The following PRUNE2 variants were observed in gnomAD, a reference collection of about 807,000 sequenced individuals.
PRUNE2 encodes protein prune homolog 2.
Under a neutral mutation model 252.0 loss-of-function variants are expected in PRUNE2, and 164 were observed. The observed-to-expected ratio is 0.65, with a 90% CI of 0.57 to 0.74. PRUNE2 has a LOEUF of 0.74. Ranked by LOEUF, PRUNE2 falls within the 30% of genes least tolerant of loss-of-function variation. The pLI is 0.00. For synonymous variants in PRUNE2, 1,292 were observed against 1,350.2 expected, an observed-to-expected ratio of 0.96 and a Z score of 0.94; for missense variants, 3,495 against 3,711.0, an observed-to-expected ratio of 0.94 and a Z score of 1.51.
At position 76,772,559 on chromosome 9, in the gene PRUNE2, A is replaced by G. The variant is rs545665245; in HGVS notation, c.756+51073T>C. 2.6e-5 allele frequency among the ~76,000 whole-genome samples: 4 copies of G among 152,172 alleles called. No homozygotes were observed. In the South Asian group the frequency reaches 8.3e-4, roughly 32 times the overall value. On this transcript the variant is annotated intron_variant, in intron 6 of 18. Coordinates refer to ENST00000376718, the MANE Select transcript of PRUNE2 (RefSeq NM_015225.3). ...GTTAACTGCAACTTGTGAACATGGT[A>G]AATTATTTTCTTTCTTTTTTTTAGA...
chr9:76,638,769 T>A (rs1374829835), intron 12 of PRUNE2, among the ~76,000 whole-genome samples: 1 of 152,182 alleles, frequency 6.6e-6, no homozygotes, highest in Non-Finnish European at 1.5e-5. Flanking sequence ...AAGGGAGAAT[T>A]TAGCCACTGA....
At chr9:76,637,584 C>A in intron 13 of PRUNE2, 35 bp from the exon 14 acceptor site, 1 of 1,592,114 alleles carries the variant, frequency 6.3e-7, no homozygotes, top group Non-Finnish European at 8.6e-7. Context: ...GTTTTCAGTT[C>A]CCACATCCTA....
chr9:76,871,924 C>T (rs2061223304), intron 1 of PRUNE2, among the ~76,000 whole-genome samples: 1 of 142,248 alleles, frequency 7.0e-6, no homozygotes, highest in Non-Finnish European at 1.5e-5. Flanking sequence ...CTACCACGTC[C>T]AGCCTAGTTA....
chr9:76,826,472 A>G lies in PRUNE2; in HGVS notation c.661+108T>C, dbSNP rs763455220. The G allele has an allele frequency of 9.2e-4, 804 of 875,334 alleles. 4 individuals are homozygous for G. Among genetic ancestry groups the G allele is most frequent in the Non-Finnish European group, 1.3e-3 (746 of 578,154 alleles). 54.2% of individuals were successfully genotyped at this position (875,334 alleles called of 1,614,324 possible). ...TGGGGGATAGAGTGAGACTCTGTAT[A>G]AAAAACAAACAAAGAAACAAATATA... On this transcript the variant is annotated intron_variant, in intron 5 of 18. Coordinates refer to ENST00000376718, the MANE Select transcript of PRUNE2 (RefSeq NM_015225.3).
intron 6 of PRUNE2, among the ~76,000 whole-genome samples, chr9:76,744,692 C>A (rs1307772279): frequency 1.3e-5 from 2 of 152,200 alleles, no homozygotes; most frequent in Non-Finnish European, 2.9e-5. Flanking sequence ...CCCTATCCGA[C>A]TCCTACCCCT....
rs144644720 is a variant in PRUNE2, at chr9:76,769,116, C to A, written c.756+54516G>T. Among the ~76,000 whole-genome samples, 684 of 152,258 alleles carry A rather than the reference C, an allele frequency of 4.5e-3. 5 individuals carry two copies. The highest frequency in any genetic ancestry group is 0.016 in the African/African-American group (661 of 41,544). ...TTTGAGAGATATTCTTAGAATCTTT[C>A]ATTATGGTACTCATATATGGGTTGG... On this transcript the variant is annotated intron_variant, in intron 6 of 18. Coordinates refer to ENST00000376718, the MANE Select transcript of PRUNE2 (RefSeq NM_015225.3).
intron 6 of PRUNE2, among the ~76,000 whole-genome samples, chr9:76,801,979 A>G (rs1218019099): frequency 2.0e-5 from 3 of 152,180 alleles, no homozygotes; most frequent in Non-Finnish European, 4.4e-5. Flanking sequence ...CAACAAAACT[A>G]AAATATATTA....
At chr9:76,699,766 T>C (rs1227090477) in intron 9 of PRUNE2, among the ~76,000 whole-genome samples, 2 of 152,258 alleles carry the variant, frequency 1.3e-5, no homozygotes, top group African/African-American at 4.8e-5. Flanking sequence ...TCTGTTTTTC[T>C]GAAAAACCCT....
chr9:76,710,090 A>T lies in PRUNE2; in HGVS notation c.2184T>A (p.Asn728Lys). 1 of 1,613,874 alleles carries T rather than the reference A, an allele frequency of 6.2e-7. No individual in the cohort carries two copies. Among genetic ancestry groups the T allele is most frequent in the Non-Finnish European group, 8.5e-7 (1 of 1,179,870 alleles). ...SEFGQPELGSNDIQDKNEESL... is the reference protein window; with the variant it reads ...SEFGQPELGSKDIQDKNEESL... The stretch of plus-strand genomic sequence containing the variant: ...TTTCCTCATTTTTGTCTTGAATATC[A>T]TTGCTACCCAGTTCAGGCTGACCAA... The change falls in exon 8 of 19, where the codon AAT becomes AAA. Residue 728 changes from asparagine (N) to lysine (K), a missense_variant. Coordinates refer to ENST00000376718, the MANE Select transcript of PRUNE2 (RefSeq NM_015225.3).
At chr9:76,634,587 A>G (rs1326733247) in intron 15 of PRUNE2, among the ~76,000 whole-genome samples, 1 of 152,174 alleles carries the variant, frequency 6.6e-6, no homozygotes, top group East Asian at 1.9e-4. Flanking sequence ...ATAACTGCTG[A>G]GCTGTACCCA....
At chr9:76,724,156 G>A (rs1029220741) in intron 6 of PRUNE2, among the ~76,000 whole-genome samples, 3 of 148,896 alleles carry the variant, frequency 2.0e-5, no homozygotes, top group African/African-American at 7.4e-5. Context: ...GAAAGCACAG[G>A]TTAAGAACTC....
chr9:76,746,774 T>C (rs1281474859), intron 6 of PRUNE2, among the ~76,000 whole-genome samples: 1 of 143,470 alleles, frequency 7.0e-6, no homozygotes, highest in Non-Finnish European at 1.5e-5. Context: ...AGCTTCGGGA[T>C]AGCCGAACAC....
intron 6 of PRUNE2, among the ~76,000 whole-genome samples, chr9:76,780,829 C>T (rs375234574): frequency 6.6e-6 from 1 of 152,208 alleles, no homozygotes; most frequent in Non-Finnish European, 1.5e-5. Context: ...GCTCCTCCAT[C>T]GTATCGGGAG....
At chr9:76,616,331 G>A (rs67354870) in intron 18 of PRUNE2, among the ~76,000 whole-genome samples, 16,460 of 152,030 alleles carry the variant, frequency 0.11, 1,052 homozygotes, top group Admixed American at 0.17. Flanking sequence ...TCCTGTTCCC[G>A]GAAATCTGTA....
intron 1 of PRUNE2, among the ~76,000 whole-genome samples, chr9:76,879,231 AACAG>A (rs1222178714): frequency 1.3e-5 from 2 of 152,262 alleles, no homozygotes; most frequent in African/African-American, 2.4e-5. Context: ...AGAGAAAGAA[AACAG>A]ACAGAAAGAG....
chr9:76,714,697 G>C (rs2047002306), intron 6 of PRUNE2, among the ~76,000 whole-genome samples: 2 of 152,182 alleles, frequency 1.3e-5, no homozygotes, highest in African/African-American at 4.8e-5. Flanking sequence ...ACCCGGTCCG[G>C]TCTTTGAGTT....
intron 1 of PRUNE2, among the ~76,000 whole-genome samples, chr9:76,883,187 T>C (rs1313664787): frequency 7.9e-5 from 12 of 152,174 alleles, no homozygotes; most frequent in Admixed American, 7.9e-4. Flanking sequence ...CAAAATTGTT[T>C]CACAAAAACT....
intron 6 of PRUNE2, among the ~76,000 whole-genome samples, chr9:76,797,038 T>TACGCACACAC (rs71309258): frequency 3.3e-5 from 5 of 151,756 alleles, no homozygotes; most frequent in East Asian, 1.9e-4. Flanking sequence ...CACTCACACA[T>TACGCACACAC]ACACACACAC....
rs773127498 is a variant in PRUNE2 at position 76,705,182 on chromosome 9, A to C, written c.7092T>G (p.Asp2364Glu). Residue 2364 changes from aspartate (D) to glutamate (E), a missense_variant, in exon 8 of 19, where the codon GAT becomes GAG. By Grantham distance (45) the Asp-to-Glu change is conservative. Coordinates refer to ENST00000376718, the MANE Select transcript of PRUNE2 (RefSeq NM_015225.3). ...GGAAGTGTTCAGGCTCTCTCAGTAA[A>C]TCTTCATCGATATTCTGGCCCATTA... ...YDVMGQNIDE[D>E]LLREPEHFLY... 1 of 1,613,982 alleles carries C rather than the reference A, an allele frequency of 6.2e-7. No homozygotes were observed. The highest frequency in any genetic ancestry group is 8.5e-7 in the Non-Finnish European group (1 of 1,179,882).
Sources: gnomAD v4.1 joint callset for allele counts (sites outside exome capture counted in the v4.1 genomes callset) on GRCh38, gnomAD v4.1.1 for gene constraint, MANE v1.5 for transcripts, NCBI Gene and HGNC (gene_info 2026-07-23, HGNC 2026-07-21) for gene names.